The following ZBTB20 variants were observed in gnomAD, a reference collection of about 807,000 sequenced individuals.
ZBTB20 encodes the protein zinc finger and BTB domain containing 20.
Under a neutral mutation model 56.9 loss-of-function variants are expected in ZBTB20, and 9 were observed. The observed-to-expected ratio is 0.16, with a 90% CI of 0.10 to 0.28. ZBTB20 has a LOEUF of 0.28. ZBTB20 is among the 10% of genes least tolerant of loss of function. The pLI, the probability that ZBTB20 is intolerant of heterozygous loss-of-function variation, is 1.00. For missense variants in ZBTB20, 655 were observed against 1,003.0 expected, an observed-to-expected ratio of 0.65 and a Z score of 4.69; for synonymous variants, 417 against 420.7, an observed-to-expected ratio of 0.99 and a Z score of 0.11.
chr3:114,434,188 G>A (rs1427353839), intron 7 of ZBTB20, among the ~76,000 whole-genome samples: 3 of 151,960 alleles, frequency 2.0e-5, no homozygotes, highest in Non-Finnish European at 2.9e-5. Context: ...CCAGAGTGAT[G>A]GGAAGTAAAA....
At chr3:115,025,475 T>C (rs1185265257) in intron 2 of ZBTB20, among the ~76,000 whole-genome samples, 5 of 151,122 alleles carry the variant, frequency 3.3e-5, no homozygotes, top group South Asian at 2.1e-4. Context: ...GATATTATTA[T>C]GAAGATTCAC....
chr3:115,010,632 A>G (rs892188664), intron 2 of ZBTB20, among the ~76,000 whole-genome samples: 2 of 151,968 alleles, frequency 1.3e-5, no homozygotes, highest in African/African-American at 4.8e-5. Flanking sequence ...AGATCACAAC[A>G]TTCAGGTCTT....
chr3:114,994,135 T>C (rs1002848819), intron 2 of ZBTB20, among the ~76,000 whole-genome samples: 3 of 151,750 alleles, frequency 2.0e-5, no homozygotes, highest in African/African-American at 7.3e-5. Context: ...TCTCAAACAA[T>C]ATAGGAAAGA....
chr3:115,049,198 A>G (rs1200759850), intron 2 of ZBTB20, among the ~76,000 whole-genome samples: 3 of 152,116 alleles, frequency 2.0e-5, no homozygotes, highest in Non-Finnish European at 4.4e-5. Context: ...TCTCTGGTAT[A>G]TAGAGAGAGG....
intron 4 of ZBTB20, among the ~76,000 whole-genome samples, chr3:114,834,039 C>A (rs2073994949): frequency 6.6e-6 from 1 of 152,000 alleles, no homozygotes; most frequent in Non-Finnish European, 1.5e-5. Context: ...TTAGATTGCA[C>A]TGATATAGTA....
At chr3:114,529,244 G>A (rs2047567655) in intron 6 of ZBTB20, 1 of 152,140 alleles carries the variant, frequency 6.6e-6, no homozygotes, top group Non-Finnish European at 1.5e-5. Context: ...AAGTTCCTGT[G>A]TAATCATTGC....
At chr3:114,426,877 G>T (rs931741306) in intron 7 of ZBTB20, among the ~76,000 whole-genome samples, 1 of 152,140 alleles carries the variant, frequency 6.6e-6, no homozygotes, top group Non-Finnish European at 1.5e-5. Context: ...GCAAAATATG[G>T]TATTTAATAC....
chr3:114,362,041 C>G (rs1057155929), intron 10 of ZBTB20, among the ~76,000 whole-genome samples: 2 of 152,084 alleles, frequency 1.3e-5, no homozygotes, highest in Non-Finnish European at 2.9e-5. Context: ...GAGTCTTGTA[C>G]CAATCTAGGG....
intron 4 of ZBTB20, among the ~76,000 whole-genome samples, chr3:114,855,679 A>ACC (rs2075218735): frequency 6.6e-6 from 1 of 151,936 alleles, no homozygotes; most frequent in African/African-American, 2.4e-5. Context: ...GAAAGCTACT[A>ACC]CCTCTCCTCA....
intron 10 of ZBTB20, among the ~76,000 whole-genome samples, chr3:114,378,264 C>A (rs954050359): frequency 6.6e-6 from 1 of 152,194 alleles, no homozygotes; most frequent in African/African-American, 2.4e-5. Context: ...TCAGGACAAA[C>A]TACAATCCAA....
intron 3 of ZBTB20, among the ~76,000 whole-genome samples, chr3:114,969,680 T>A (rs1560448543): frequency 6.6e-6 from 1 of 152,328 alleles, no homozygotes. Context: ...TACCTTATAT[T>A]ATGAGCCAGG....
intron 5 of ZBTB20, among the ~76,000 whole-genome samples, chr3:114,722,018 T>G (rs1207991896): frequency 6.6e-6 from 1 of 152,216 alleles, no homozygotes; most frequent in East Asian, 1.9e-4. Context: ...CTAGTTTCAC[T>G]AATGTATATC....
intron 5 of ZBTB20, among the ~76,000 whole-genome samples, chr3:114,789,296 A>C (rs2070772348): frequency 6.6e-6 from 1 of 152,140 alleles, no homozygotes; most frequent in Non-Finnish European, 1.5e-5. Context: ...CTGGTTAGAG[A>C]AGCAGTCACT....
chr3:115,014,966 C>T (rs1463057644), intron 2 of ZBTB20, among the ~76,000 whole-genome samples: 7 of 151,700 alleles, frequency 4.6e-5, no homozygotes, highest in Non-Finnish European at 8.8e-5. Flanking sequence ...AAAGCTATTT[C>T]GCTGAAAACC....
At chr3:114,678,817 T>C (rs2061791474) in intron 6 of ZBTB20, among the ~76,000 whole-genome samples, 1 of 152,216 alleles carries the variant, frequency 6.6e-6, no homozygotes, top group Non-Finnish European at 1.5e-5. Flanking sequence ...CTAGTCCATC[T>C]ATTATGTGCT....
chr3:115,017,139 T>C (rs370933494), intron 2 of ZBTB20, among the ~76,000 whole-genome samples: 4 of 151,812 alleles, frequency 2.6e-5, no homozygotes, highest in Admixed American at 1.3e-4. Context: ...AAGCACATCA[T>C]CTCAGCCCAA....
intron 2 of ZBTB20, among the ~76,000 whole-genome samples, chr3:115,030,562 A>T (rs576980524): frequency 6.6e-6 from 1 of 151,296 alleles, no homozygotes; most frequent in South Asian, 2.1e-4. Context: ...TCTAATTAAG[A>T]TTATTCCAAA....
At chr3:114,830,921 G>T (rs1005120831) in intron 4 of ZBTB20, among the ~76,000 whole-genome samples, 6 of 151,684 alleles carry the variant, frequency 4.0e-5, no homozygotes, top group Non-Finnish European at 5.9e-5. Context: ...AAGATAGGGG[G>T]CTCACTAACA....
At chr3:114,471,171 T>C (rs2040083765) in intron 7 of ZBTB20, among the ~76,000 whole-genome samples, 1 of 152,146 alleles carries the variant, frequency 6.6e-6, no homozygotes, top group Admixed American at 6.5e-5. Flanking sequence ...ATTGAAGTTG[T>C]TGAGGGGAGT....
Sources: gnomAD v4.1 joint callset for allele counts (sites outside exome capture counted in the v4.1 genomes callset) on GRCh38, gnomAD v4.1.1 for gene constraint, MANE v1.5 for transcripts, NCBI Gene and HGNC (gene_info 2026-07-23, HGNC 2026-07-21) for gene names.